The following ZNF793 variants were observed in gnomAD, a reference collection of about 807,000 sequenced individuals.
ZNF793 encodes zinc finger protein 793.
Under a neutral mutation model 12.4 loss-of-function variants are expected in ZNF793, and 5 were observed. The ratio of observed to expected loss-of-function variants is 0.40; its 90% confidence interval spans 0.21 to 0.84. The LOEUF (loss-of-function observed/expected upper bound fraction) is 0.84. Among genes scored for constraint, ZNF793 ranks in the 40% least tolerant of loss-of-function variants. The pLI, the probability that ZNF793 is intolerant of heterozygous loss-of-function variation, is 0.35. For missense variants in ZNF793, 456 were observed against 495.0 expected, an observed-to-expected ratio of 0.92 and a Z score of 0.75; for synonymous variants, 162 against 172.4, an observed-to-expected ratio of 0.94 and a Z score of 0.47.
intron 3 of ZNF793, among the ~76,000 whole-genome samples, chr19:37,521,228 C>T (rs2042372890): frequency 6.6e-6 from 1 of 152,094 alleles, no homozygotes; most frequent in Non-Finnish European, 1.5e-5. Flanking sequence ...ACCTTGTGAT[C>T]TGCCCGCCTC....
Position 37,537,520 on chromosome 19 carries a change from T to G in ZNF793, c.862T>G (p.Cys288Gly). The G allele has an allele frequency of 6.2e-7, 1 of 1,614,160 alleles. No homozygotes were observed. Residue 288 changes from cysteine to glycine, a missense_variant, in exon 8 of 8, where the codon TGT (cysteine) becomes GGT (glycine). Coordinates refer to ENST00000627814, the MANE Select transcript of ZNF793 (RefSeq NM_001013659.3). ...TGVRPFECFF[C>G]GKAFTQKSHR... is the part of the protein sequence containing the mutation. ...GGTAAGACCCTTTGAATGTTTTTTT[T>G]GTGGGAAAGCCTTTACCCAGAAGTC...
intron 2 of ZNF793, among the ~76,000 whole-genome samples, chr19:37,513,010 T>C (rs1204207032): frequency 2.0e-5 from 3 of 152,214 alleles, no homozygotes; most frequent in Non-Finnish European, 4.4e-5. Context: ...TTTCTGATTT[T>C]TCCTCATGAT....
rs369142983 is a variant in ZNF793 at position 37,525,460 on chromosome 19, G to A, written c.15+2006G>A. On this transcript the variant is annotated intron_variant, in intron 5 of 7. Coordinates refer to ENST00000627814, the MANE Select transcript of ZNF793 (RefSeq NM_001013659.3). ...GCCTTTTTTTTTTTTTTTTTGAGACGGAGTCTCGCTCTGTCACTCAGGCTG... is the reference window on the plus strand; with the variant it reads ...GCCTTTTTTTTTTTTTTTTTGAGACAGAGTCTCGCTCTGTCACTCAGGCTG... Among the ~76,000 whole-genome samples, 56 of 125,946 alleles carry A rather than the reference G, an allele frequency of 4.4e-4. No homozygotes were observed. In the East Asian group the frequency reaches 9.9e-3, roughly 22 times the overall value. 82.6% of individuals were successfully genotyped at this position (125,946 alleles called of 152,430 possible).
chr19:37,533,396 C>T lies in ZNF793; in HGVS notation c.231C>T (p.His77=). Residue 77 remains histidine, a synonymous_variant, in exon 7 of 8, where the codon CAC becomes CAT. Transcript: ENST00000627814. ...GTGAGGCAGCATGCCCGGGCTGCCA[C>T]TGTTGGGGTAAGTGTGATAAATCTA... ...WIGEAACPGC[H]CWEDIWRVNI... 6.2e-7 allele frequency: 1 copy of T among 1,613,884 alleles called. No homozygotes were observed. The highest frequency in any genetic ancestry group is 1.3e-5 in the African/African-American group (1 of 75,018).
In ZNF793 at chr19:37,538,074, G is replaced by C. The variant is rs1166012023; in HGVS notation, c.*195G>C. 2 of 567,840 alleles carry C rather than the reference G, an allele frequency of 3.5e-6. No homozygotes were observed. Among genetic ancestry groups the C allele is most frequent in the African/African-American group, 3.8e-5 (2 of 52,176 alleles). The allele number at this position is 567,840 out of a possible 1,614,324, so 35.2% of individuals were successfully genotyped here. ...CTACAGGTGCCCACCACCATGCCCG[G>C]CTAATTTTTTTTTTGTATTTTTAGT... On this transcript the variant is annotated 3_prime_UTR_variant, in exon 8 of 8. Coordinates refer to ENST00000627814, the MANE Select transcript of ZNF793 (RefSeq NM_001013659.3).
At chr19:37,515,625 G>A (rs999588407) in intron 2 of ZNF793, among the ~76,000 whole-genome samples, 2 of 152,060 alleles carry the variant, frequency 1.3e-5, no homozygotes, top group African/African-American at 4.8e-5. Flanking sequence ...TTTTTTTATT[G>A]CAGTCAGTAA....
At chr19:37,507,223 G>C (rs774428209) in intron 1 of ZNF793, 1 of 152,860 alleles carries the variant, frequency 6.5e-6, no homozygotes, top group Admixed American at 6.5e-5. Flanking sequence ...TCAGTGGCAC[G>C]GTCTCTGAAG....
chr19:37,537,157 T>C lies in ZNF793; in HGVS notation c.499T>C (p.Tyr167His), dbSNP rs1256532527. 1.2e-6 allele frequency: 2 copies of C among 1,613,316 alleles called. No homozygotes were observed. Among genetic ancestry groups the C allele is most frequent in the Non-Finnish European group, 1.7e-6 (2 of 1,179,362 alleles). The part of the protein sequence containing the change: ...RNCAKKQDEC[Y>H]AYGKLLQRIN... ...CTGTGCAAAAAAGCAAGATGAGTGT[T>C]ATGCTTATGGGAAATTGCTTCAGCG... is the stretch of plus-strand genomic sequence containing the variant. Residue 167 changes from tyrosine to histidine, a missense_variant, in exon 8 of 8, where the codon TAT becomes CAT. By Grantham distance (83) the Tyr-to-His change is moderately conservative. Transcript: ENST00000627814.
In ZNF793 at chr19:37,537,827, C is replaced by G; in HGVS notation, c.1169C>G (p.Ala390Gly). The change falls in exon 8 of 8, where the codon GCT becomes GGT. Residue 390 changes from alanine (A) to glycine (G), a missense_variant. By Grantham distance (60) the Ala-to-Gly change is moderately conservative. Coordinates refer to ENST00000627814, the MANE Select transcript of ZNF793 (RefSeq NM_001013659.3). ...CTCAGCAGACATCAGAAAATTCATG[C>G]TCGGAAGAATGCCTACAGGAATGAA... ...PNLSRHQKIH[A>G]RKNAYRNENL... 6.2e-7 allele frequency: 1 copy of G among 1,612,916 alleles called. No homozygotes were observed. The highest frequency in any genetic ancestry group is 1.3e-5 in the African/African-American group (1 of 74,936).
chr19:37,525,518 G>A (rs1334682037), intron 5 of ZNF793, among the ~76,000 whole-genome samples: 4 of 143,354 alleles, frequency 2.8e-5, no homozygotes, highest in Non-Finnish European at 4.5e-5. Flanking sequence ...CTCACTGCAA[G>A]CTCTGACTCC....
At chr19:37,529,513 G>A (rs2042441004) in intron 5 of ZNF793, among the ~76,000 whole-genome samples, 1 of 151,850 alleles carries the variant, frequency 6.6e-6, no homozygotes, top group South Asian at 2.1e-4. Flanking sequence ...TTTAGTCTGA[G>A]ACAGAGTCTC....
chr19:37,510,488 C>T (rs1270257262), intron 2 of ZNF793, among the ~76,000 whole-genome samples: 1 of 146,462 alleles, frequency 6.8e-6, no homozygotes, highest in Admixed American at 7.0e-5. Context: ...GCATTCCAGC[C>T]TGGGCAACAA....
At chr19:37,530,678 A>G (rs2042452762) in intron 5 of ZNF793, among the ~76,000 whole-genome samples, 1 of 152,098 alleles carries the variant, frequency 6.6e-6, no homozygotes, top group Non-Finnish European at 1.5e-5. Flanking sequence ...AGGCAGAAGA[A>G]TTTTTCTTAG....
intron 7 of ZNF793, 84 bp from the exon 8 acceptor site, chr19:37,536,813 G>GT (rs34919776): frequency 0.2 from 281,529 of 1,418,762 alleles, 35,109 homozygotes; most frequent in East Asian, 0.67. Context: ...TTCTCTATTT[G>GT]TGTGCTGTGC....
chr19:37,534,508 A>ACACACACACG (rs971038103), intron 7 of ZNF793: 1 of 151,928 alleles, frequency 6.6e-6, no homozygotes, highest in Non-Finnish European at 1.5e-5. Flanking sequence ...TCACACACAC[A>ACACACACACG]CACACACACG....
chr19:37,534,856 A>T (rs1340349760), intron 7 of ZNF793: 2 of 150,822 alleles, frequency 1.3e-5, no homozygotes, highest in African/African-American at 2.4e-5. Context: ...GCTAATTTTC[A>T]TTTTTTTTGT....
At chr19:37,514,575 CAGAT>C (rs57773647) in intron 2 of ZNF793, among the ~76,000 whole-genome samples, 13,317 of 149,166 alleles carry the variant, frequency 0.089, 880 homozygotes, top group African/African-American at 0.17. Flanking sequence ...GATAGATAGA[CAGAT>C]AGATAGATAG....
intron 5 of ZNF793, among the ~76,000 whole-genome samples, chr19:37,528,302 G>A (rs977177663): frequency 1.8e-4 from 28 of 152,040 alleles, no homozygotes; most frequent in African/African-American, 6.8e-4. Context: ...TGCCAACCAG[G>A]AAAGTGCACC....
In ZNF793 at chr19:37,537,963, G is replaced by A. The variant is rs149389958; in HGVS notation, c.*84G>A. 7.1e-7 allele frequency: 1 copy of A among 1,413,668 alleles called. No homozygotes were observed. The allele number at this position is 1,413,668 out of a possible 1,614,324, so 87.6% of individuals were successfully genotyped here. Reference sequence around the variant, plus strand: ...ATCTCACTTTGTCACCCAGGCTGGAGTGCAGTGGCGCGATCTCGGCTTACT... The same window carrying A: ...ATCTCACTTTGTCACCCAGGCTGGAATGCAGTGGCGCGATCTCGGCTTACT... On this transcript the variant is annotated 3_prime_UTR_variant, in exon 8 of 8. Coordinates refer to ENST00000627814, the MANE Select transcript of ZNF793 (RefSeq NM_001013659.3).
Sources: allele counts gnomAD v4.1 joint callset (sites outside exome capture counted in the v4.1 genomes callset), GRCh38; gene constraint gnomAD v4.1.1; transcripts MANE v1.5; gene names NCBI Gene and HGNC (gene_info 2026-07-23, HGNC 2026-07-21).